The following TPT1 variants were observed in gnomAD, a reference collection of about 807,000 sequenced individuals.
The protein encoded by TPT1 is translationally-controlled tumor protein.
TPT1 carries 5 observed loss-of-function variants against 22.8 expected under a neutral mutation model. The observed-to-expected ratio is 0.22, with a 90% CI of 0.11 to 0.46. The LOEUF (loss-of-function observed/expected upper bound fraction) is 0.46, where lower values mean the gene tolerates loss of function less well. TPT1 is among the 20% of genes least tolerant of loss of function. The pLI is 0.99. For missense variants in TPT1, 130 were observed against 218.7 expected, an observed-to-expected ratio of 0.59 and a Z score of 2.56; for synonymous variants, 89 against 73.6, an observed-to-expected ratio of 1.21 and a Z score of -1.07.
At chr13:45,339,679 G>A in intron 3 of TPT1, 77 bp from the exon 4 acceptor site, 2 of 1,377,350 alleles carry the variant, frequency 1.5e-6, no homozygotes, top group East Asian at 4.7e-5. Flanking sequence ...AAATATCCAA[G>A]CTTAAAAAAA....
At chr13:45,340,818 C>G in intron 1 of TPT1, 33 bp from the exon 2 acceptor site, 4 of 1,503,352 alleles carry the variant, frequency 2.7e-6, no homozygotes, top group Non-Finnish European at 3.5e-6. Context: ...CATCACCGTG[C>G]GCCTGGCGCC....
intron 4 of TPT1, 39 bp downstream of exon 4, chr13:45,339,458 A>G: frequency 1.3e-6 from 2 of 1,567,474 alleles, no homozygotes; most frequent in Non-Finnish European, 1.7e-6. Flanking sequence ...TGCAGTTAAA[A>G]TTGTACAATC....
At chr13:45,339,112 C>T (rs1275679240) in intron 4 of TPT1, 2 of 304,238 alleles carry the variant, frequency 6.6e-6, no homozygotes, top group African/African-American at 2.2e-5. Context: ...ATATATCATA[C>T]AGTCTGGAAG....
chr13:45,337,482 A>G, intron 5 of TPT1, 94 bp from the exon 6 acceptor site: 1 of 1,614,070 alleles, frequency 6.2e-7, no homozygotes, highest in Non-Finnish European at 8.5e-7. Flanking sequence ...CAGGCTAAAG[A>G]TGTATTCCCC....
At chr13:45,339,710 C>A in intron 3 of TPT1, 108 bp from the exon 4 acceptor site, 2 of 1,025,590 alleles carry the variant, frequency 2.0e-6, no homozygotes, top group Non-Finnish European at 2.8e-6. Flanking sequence ...AAAAAGGCAA[C>A]CAGCTGTTAA....
rs1340807825 is a variant in TPT1, at chr13:45,334,733, A to AG, written c.*2652_*2653insC. 1 of 150,320 alleles carries AG rather than the reference A, an allele frequency of 6.7e-6. No homozygotes were observed. The highest frequency in any genetic ancestry group is 2.5e-5 in the African/African-American group (1 of 39,642). 9.3% of individuals were successfully genotyped at this position (150,320 alleles called of 1,614,324 possible). A position where few individuals can be genotyped will look rare whatever the true frequency, so the allele number is the denominator to read the frequency against. On this transcript the variant is annotated 3_prime_UTR_variant, in exon 6 of 6. Transcript: ENST00000530705. ...CACCTGGCAGCCAAAGTGATCCTTTAAAAATTTGAGTCATATCATGTAACT... is the reference window on the plus strand; with the variant it reads ...CACCTGGCAGCCAAAGTGATCCTTTAGAAAATTTGAGTCATATCATGTAACT...
chr13:45,335,085 C>T lies in TPT1; in HGVS notation c.*2301G>A, dbSNP rs1268299951. On this transcript the variant is annotated 3_prime_UTR_variant, in exon 6 of 6. Coordinates refer to ENST00000530705, the MANE Select transcript of TPT1 (RefSeq NM_003295.4). ...GCTACTAAAGCATGCCTTTGTTAAA[C>T]TTAGCATCAAAAACAAAATGTTATG... is the stretch of plus-strand genomic sequence containing the variant. 1 of 152,194 alleles carries T rather than the reference C, an allele frequency of 6.6e-6. No homozygotes were observed. The highest frequency in any genetic ancestry group is 1.5e-5 in the Non-Finnish European group (1 of 68,032). 9.4% of individuals were successfully genotyped at this position (152,194 alleles called of 1,614,324 possible).
chr13:45,340,681 A>C lies in TPT1; in HGVS notation c.102+31T>G, dbSNP rs754286179. ...GGAAACCCGAGCCCGCTCGGCCCGG[A>C]CTCCCCCACGCGCAGGCCCGACCGA... On this transcript the variant is annotated intron_variant, in intron 2 of 5. Coordinates refer to ENST00000530705, the MANE Select transcript of TPT1 (RefSeq NM_003295.4). 9 of 1,558,424 alleles carry C rather than the reference A, an allele frequency of 5.8e-6. No homozygotes were observed. The Admixed American group carries it at 1.3e-4, about 23-fold the overall frequency.
At chr13:45,338,988 T>C in intron 4 of TPT1, 1 of 454,306 alleles carries the variant, frequency 2.2e-6, no homozygotes, top group Non-Finnish European at 3.8e-6. Flanking sequence ...TACAGAGCAA[T>C]CCAGGAACAC....
chr13:45,336,984 G>A lies in TPT1; in HGVS notation c.*402C>T, dbSNP rs772901450. The A allele has an allele frequency of 3.1e-5, 7 of 223,620 alleles. No homozygotes were observed. Among genetic ancestry groups the A allele is most frequent in the African/African-American group, 4.7e-5 (2 of 42,572 alleles). 13.9% of individuals were successfully genotyped at this position (223,620 alleles called of 1,614,324 possible). On this transcript the variant is annotated 3_prime_UTR_variant, in exon 6 of 6. Transcript: ENST00000530705. ...ACTTCAGATGTTGGCACTGCTATGA[G>A]CATGGTCTTTCCCTTTATTGCAACT... is the stretch of plus-strand genomic sequence containing the variant.
chr13:45,341,151 G>T lies in TPT1; in HGVS notation c.-82C>A. ...GAGCGAGCGCGGTGCAGCCGGAGCG[G>T]CGCTCGGGGGGAGGGGGGAGCGGGC... is the stretch of plus-strand genomic sequence containing the variant. On this transcript the variant is annotated 5_prime_UTR_variant, in exon 1 of 6. Transcript: ENST00000530705. 3.2e-6 allele frequency: 5 copies of T among 1,575,530 alleles called. No individual in the cohort carries two copies. In the South Asian group the frequency reaches 4.6e-5, roughly 14 times the overall value.
rs1878503888 is a variant in TPT1 at position 45,333,615 on chromosome 13, T to G, written c.*3771A>C. On this transcript the variant is annotated 3_prime_UTR_variant, in exon 6 of 6. Coordinates refer to ENST00000530705, the MANE Select transcript of TPT1 (RefSeq NM_003295.4). The stretch of plus-strand genomic sequence containing the variant: ...ATTTACATCAACAAAAATCTAGTCA[T>G]TTAACTAGATTTTGAAACTCCTAAT... 6.6e-6 allele frequency: 1 copy of G among 152,214 alleles called. No individual in the cohort carries two copies. Among genetic ancestry groups the G allele is most frequent in the Admixed American group, 6.5e-5 (1 of 15,282 alleles). 9.4% of individuals were successfully genotyped at this position (152,214 alleles called of 1,614,324 possible).
intron 1 of TPT1, 64 bp from the exon 2 acceptor site, chr13:45,340,849 C>T (rs753652048): frequency 6.0e-5 from 89 of 1,473,056 alleles, no homozygotes; most frequent in Non-Finnish European, 7.6e-5. Context: ...GCATTTCCCG[C>T]GCCGGCGGCC....
At chr13:45,340,587 C>G (rs1205765893) in intron 2 of TPT1, 125 bp downstream of exon 2, 1 of 1,188,736 alleles carries the variant, frequency 8.4e-7, no homozygotes, top group Non-Finnish European at 1.2e-6. Context: ...AAAACCCAAG[C>G]CCGGAAAGAG....
intron 3 of TPT1, 27 bp from the exon 4 acceptor site, chr13:45,339,629 G>T (rs928578518): frequency 1.3e-6 from 2 of 1,553,312 alleles, no homozygotes; most frequent in Admixed American, 1.9e-5. Context: ...TTAACAGGTT[G>T]AAGTATTGAA....
rs539965048 is a variant in TPT1 at position 45,336,746 on chromosome 13, G to A, written c.*640C>T. 42 of 152,660 alleles carry A rather than the reference G, an allele frequency of 2.8e-4. No individual in the cohort carries two copies. The highest frequency in any genetic ancestry group is 9.6e-4 in the African/African-American group (40 of 41,556). 9.5% of individuals were successfully genotyped at this position (152,660 alleles called of 1,614,324 possible). A position where few individuals can be genotyped will look rare whatever the true frequency, so the allele number is the denominator to read the frequency against. ...AAAAGGCAACCAACCACCTTAAAGT[G>A]TACAAAACAGGTGGTCAGATAGGCT... On this transcript the variant is annotated 3_prime_UTR_variant, in exon 6 of 6. Transcript: ENST00000530705.
chr13:45,334,608 TATC>T lies in TPT1; in HGVS notation c.*2775_*2777del, dbSNP rs1261980785. 4 of 152,220 alleles carry T rather than the reference TATC, an allele frequency of 2.6e-5. No homozygotes were observed. The highest frequency in any genetic ancestry group is 5.9e-5 in the Non-Finnish European group (4 of 68,060). The allele number at this position is 152,220 out of a possible 1,614,324, so 9.4% of individuals were successfully genotyped here. ...ACCCACCAGCATATCCTGTTGTCTC[TATC>T]TTCATTTCCTACCACCTCAGTCTAC... On this transcript the variant is annotated 3_prime_UTR_variant, in exon 6 of 6. Coordinates refer to ENST00000530705, the MANE Select transcript of TPT1 (RefSeq NM_003295.4).
intron 2 of TPT1, 55 bp downstream of exon 2, chr13:45,340,657 G>T: frequency 6.5e-7 from 1 of 1,543,182 alleles, no homozygotes; most frequent in Non-Finnish European, 8.8e-7. Flanking sequence ...GGGAGCGGAG[G>T]AAACCCGAGC....
rs1878607383 is a variant in TPT1 at position 45,335,400 on chromosome 13, C to G, written c.*1986G>C. On this transcript the variant is annotated 3_prime_UTR_variant, in exon 6 of 6. Transcript: ENST00000530705. ...TCTGCAGAACTGAAAATCTTCAAAA[C>G]AAGTTGGAGCAGTGGAGCCCACAAA... is the stretch of plus-strand genomic sequence containing the variant. 1 of 152,210 alleles carries G rather than the reference C, an allele frequency of 6.6e-6. No individual in the cohort carries two copies. The highest frequency in any genetic ancestry group is 6.5e-5 in the Admixed American group (1 of 15,276). 9.4% of individuals were successfully genotyped at this position (152,210 alleles called of 1,614,324 possible). A position where few individuals can be genotyped will look rare whatever the true frequency, so the allele number is the denominator to read the frequency against.
Sources: allele counts gnomAD v4.1 joint callset, GRCh38; gene constraint gnomAD v4.1.1; transcripts MANE v1.5; gene names NCBI Gene and HGNC (gene_info 2026-07-23, HGNC 2026-07-21).